Variants in NTRK3 observed in about 807,000 individuals in gnomAD.
The protein encoded by NTRK3 is neurotrophic receptor tyrosine kinase 3, also known as NT-3 growth factor receptor.
Under a neutral mutation model 91.7 loss-of-function variants are expected in NTRK3, and 24 were observed. The ratio of observed to expected loss-of-function variants is 0.26; its 90% CI spans 0.19 to 0.37. The LOEUF (loss-of-function observed/expected upper bound fraction) is 0.37, where lower values mean the gene tolerates loss of function less well. Ranked by LOEUF, NTRK3 falls within the 10% of genes least tolerant of loss-of-function variation. The probability of loss-of-function intolerance (pLI) is 1.00; values close to 1 mark genes in which losing one functional copy is unlikely to be tolerated. For missense variants in NTRK3, 880 were observed against 1,068.9 expected, an observed-to-expected ratio of 0.82 and a Z score of 2.46; for synonymous variants, 483 against 404.0, an observed-to-expected ratio of 1.20 and a Z score of -2.34.
chr15:88,154,338 T>C (rs576220448), intron 5 of NTRK3, among the ~76,000 whole-genome samples: 136 of 152,218 alleles, frequency 8.9e-4, no homozygotes, highest in Middle Eastern at 3.4e-3. Context: ...GGAGGCACCA[T>C]ATAATCTTGT....
At chr15:88,191,002 G>A (rs2047340846) in intron 3 of NTRK3, among the ~76,000 whole-genome samples, 1 of 152,176 alleles carries the variant, frequency 6.6e-6, no homozygotes, top group African/African-American at 2.4e-5. Context: ...GTTTTCATAT[G>A]ACTTTGTTTT....
intron 14 of NTRK3, among the ~76,000 whole-genome samples, chr15:87,949,730 C>A (rs1287148456): frequency 6.6e-6 from 1 of 152,186 alleles, no homozygotes; most frequent in African/African-American, 2.4e-5. Context: ...CTTTCATACC[C>A]ACTTCCTGGT....
At chr15:87,913,733 C>T (rs1156792370) in intron 17 of NTRK3, among the ~76,000 whole-genome samples, 1 of 152,180 alleles carries the variant, frequency 6.6e-6, no homozygotes, top group Admixed American at 6.5e-5. Context: ...AAGTGGCTCC[C>T]AAACATTTGA....
At chr15:88,217,591 G>C (rs2049892019) in intron 3 of NTRK3, among the ~76,000 whole-genome samples, 1 of 152,132 alleles carries the variant, frequency 6.6e-6, no homozygotes, top group Non-Finnish European at 1.5e-5. Context: ...CAGGGGAGGG[G>C]GGAATGGGGA....
chr15:88,246,777 T>G (rs962096534), intron 3 of NTRK3, among the ~76,000 whole-genome samples: 1 of 152,130 alleles, frequency 6.6e-6, no homozygotes, highest in Non-Finnish European at 1.5e-5. Context: ...TCCTGGAGTC[T>G]CACATCCCTG....
chr15:87,967,581 G>A (rs2072899233), intron 14 of NTRK3, among the ~76,000 whole-genome samples: 1 of 152,138 alleles, frequency 6.6e-6, no homozygotes, highest in South Asian at 2.1e-4. Context: ...GCAAGGTGCT[G>A]CTTATAAATT....
chr15:88,009,135 C>A (rs1358334437), intron 14 of NTRK3, among the ~76,000 whole-genome samples: 1 of 152,216 alleles, frequency 6.6e-6, no homozygotes, highest in East Asian at 1.9e-4. Context: ...TGGAGAAACC[C>A]CTACCTCAGT....
At chr15:88,154,630 C>T (rs1051553113) in intron 5 of NTRK3, among the ~76,000 whole-genome samples, 1 of 152,130 alleles carries the variant, frequency 6.6e-6, no homozygotes, top group African/African-American at 2.4e-5. Context: ...CAAATCTCAA[C>T]TGACGTGACT....
chr15:88,065,379 A>G (rs1357079846), intron 13 of NTRK3, among the ~76,000 whole-genome samples: 1 of 152,190 alleles, frequency 6.6e-6, no homozygotes, highest in African/African-American at 2.4e-5. Context: ...AAAGTAAGCA[A>G]GGTAGAACCT....
chr15:88,215,644 C>T (rs981142016), intron 3 of NTRK3, among the ~76,000 whole-genome samples: 2 of 152,196 alleles, frequency 1.3e-5, no homozygotes, highest in Non-Finnish European at 2.9e-5. Context: ...ATGCTAGCAA[C>T]ACAATTGCAT....
At chr15:88,253,118 C>A (rs2142040198) in intron 3 of NTRK3, 1 of 152,436 alleles carries the variant, frequency 6.6e-6, no homozygotes, top group South Asian at 2.1e-4. Flanking sequence ...GCATCTTCTA[C>A]CCAGAGTGTG....
chr15:88,007,109 GA>G (rs2076548280), intron 14 of NTRK3, among the ~76,000 whole-genome samples: 1 of 152,150 alleles, frequency 6.6e-6, no homozygotes, highest in African/African-American at 2.4e-5. Context: ...CCAAAATGTG[GA>G]CAAGCCTGAA....
chr15:88,182,581 C>T (rs1052139860), intron 5 of NTRK3, among the ~76,000 whole-genome samples: 1 of 152,232 alleles, frequency 6.6e-6, no homozygotes, highest in Non-Finnish European at 1.5e-5. Flanking sequence ...AGCCTCTGCT[C>T]TTTGGGAACA....
At chr15:88,131,568 A>G (rs953813049) in intron 10 of NTRK3, among the ~76,000 whole-genome samples, 4 of 152,210 alleles carry the variant, frequency 2.6e-5, no homozygotes, top group African/African-American at 9.6e-5. Flanking sequence ...AGGAAATGGA[A>G]GCTCTAGCCT....
chr15:87,903,524 AC>A (rs2066577513), intron 17 of NTRK3, among the ~76,000 whole-genome samples: 1 of 152,172 alleles, frequency 6.6e-6, no homozygotes, highest in Admixed American at 6.5e-5. Flanking sequence ...GCTCTGAGAC[AC>A]TATATTTCTT....
intron 5 of NTRK3, among the ~76,000 whole-genome samples, chr15:88,160,205 A>G (rs1217128351): frequency 1.3e-5 from 2 of 152,164 alleles, no homozygotes; most frequent in African/African-American, 4.8e-5. Context: ...CGCCCCAGCC[A>G]TGGTCAAGGG....
At chr15:88,152,862 C>A (rs2043518598) in intron 5 of NTRK3, among the ~76,000 whole-genome samples, 1 of 152,220 alleles carries the variant, frequency 6.6e-6, no homozygotes, top group South Asian at 2.1e-4. Flanking sequence ...CTTGCCCACC[C>A]CCTGGGTGTA....
intron 15 of NTRK3, 68 bp downstream of exon 15, chr15:87,940,555 C>T (rs942450430): frequency 1.2e-6 from 2 of 1,605,214 alleles, no homozygotes. Context: ...ATGGAGGGAG[C>T]CTCTTCCTTC....
chr15:88,057,109 C>T (rs1337548479), intron 13 of NTRK3, among the ~76,000 whole-genome samples: 1 of 146,042 alleles, frequency 6.8e-6, no homozygotes, highest in East Asian at 2.0e-4. Context: ...GCGGAGCTTG[C>T]AGTGAGTCGA....
Sources: allele counts gnomAD v4.1 joint callset (sites outside exome capture counted in the v4.1 genomes callset), GRCh38; gene constraint gnomAD v4.1.1; transcripts MANE v1.5; gene names NCBI Gene and HGNC (gene_info 2026-07-23, HGNC 2026-07-21).